The following TOGARAM1 variants were observed in gnomAD, a reference collection of about 807,000 sequenced individuals.
TOGARAM1 encodes TOG array regulator of axonemal microtubules 1.
TOGARAM1 carries 100 observed loss-of-function variants against 166.6 expected under a neutral mutation model. That is an observed-to-expected ratio of 0.60 (90% CI 0.51 to 0.71). TOGARAM1 has a LOEUF of 0.71. Among genes scored for constraint, TOGARAM1 ranks in the 30% least tolerant of loss-of-function variants. The pLI, the probability that TOGARAM1 is intolerant of heterozygous loss-of-function variation, is 0.00. For synonymous variants in TOGARAM1, 758 were observed against 763.8 expected (o/e 0.99, Z 0.13); for missense variants, 2,029 against 2,102.7 (o/e 0.96, Z 0.69).
intron 13 of TOGARAM1, among the ~76,000 whole-genome samples, chr14:45,045,312 C>G (rs1266802573): frequency 2.0e-5 from 3 of 151,128 alleles, no homozygotes; most frequent in Admixed American, 1.3e-4. Context: ...CCCTCGCCCC[C>G]CTCCTGCTCT....
At chr14:44,985,685 G>A (rs1489685970) in intron 1 of TOGARAM1, among the ~76,000 whole-genome samples, 2 of 152,228 alleles carry the variant, frequency 1.3e-5, no homozygotes, top group Non-Finnish European at 2.9e-5. Flanking sequence ...CTTGCCCGCC[G>A]CTCACCTCCT....
Position 45,012,049 on chromosome 14 carries a change from A to G in TOGARAM1, c.3212A>G (p.His1071Arg). Reference sequence around the variant, plus strand: ...TCTTCTGCAAAGAAAAAAATTTCTCATATTGCTGAACAAAGCCCCAGTGCA... The same window carrying G: ...TCTTCTGCAAAGAAAAAAATTTCTCGTATTGCTGAACAAAGCCCCAGTGCA... ...RLSSAKKKISHIAEQSPSAGS... is the reference protein window; with the variant it reads ...RLSSAKKKISRIAEQSPSAGS... Residue 1071 changes from histidine (H) to arginine (R), a missense_variant, in exon 7 of 20, where the codon CAT (histidine) becomes CGT (arginine). His to Arg is a conservative substitution (Grantham distance 29). This residue lies in a region of TOGARAM1 where 1,453 missense variants were observed against 1,432.2 expected (regional missense o/e 1.01). Coordinates refer to ENST00000361462, the MANE Select transcript of TOGARAM1 (RefSeq NM_001308120.2). 6.2e-7 allele frequency: 1 copy of G among 1,610,908 alleles called. No individual in the cohort carries two copies. Among genetic ancestry groups the G allele is most frequent in the Non-Finnish European group, 8.5e-7 (1 of 1,178,712 alleles).
chr14:45,031,602 T>C (rs1881159541), intron 10 of TOGARAM1, among the ~76,000 whole-genome samples: 1 of 152,218 alleles, frequency 6.6e-6, no homozygotes, highest in South Asian at 2.1e-4. Context: ...TACTACTTCT[T>C]TTGCTTTTAG....
intron 1 of TOGARAM1, among the ~76,000 whole-genome samples, chr14:44,971,845 A>G (rs183697899): frequency 2.3e-3 from 356 of 152,320 alleles, no homozygotes; most frequent in Non-Finnish European, 2.2e-3. Context: ...GGGGTTTTCC[A>G]TCTGTATTCT....
chr14:45,008,266 T>C (rs1464098643), intron 5 of TOGARAM1: 1 of 148,160 alleles, frequency 6.7e-6, no homozygotes, highest in Non-Finnish European at 1.5e-5. Flanking sequence ...TGAAACAGAG[T>C]CTCGCTGTGT....
intron 11 of TOGARAM1, among the ~76,000 whole-genome samples, chr14:45,037,825 A>G (rs1043894407): frequency 7.3e-5 from 11 of 151,424 alleles, no homozygotes; most frequent in African/African-American, 2.4e-4. Flanking sequence ...CAGGAGATTG[A>G]GACCATCCTG....
At chr14:44,987,383 T>C (rs1288386030) in intron 1 of TOGARAM1, among the ~76,000 whole-genome samples, 1 of 152,120 alleles carries the variant, frequency 6.6e-6, no homozygotes, top group East Asian at 1.9e-4. Flanking sequence ...ATCCAGAATC[T>C]ACAAAGAACT....
chr14:45,043,860 G>T, intron 12 of TOGARAM1, 69 bp downstream of exon 12: 1 of 921,396 alleles, frequency 1.1e-6, no homozygotes, highest in South Asian at 1.4e-5. Flanking sequence ...ATGTTTATTT[G>T]ACCTTTAAAA....
At chr14:45,047,316 C>T (rs568345330) in intron 14 of TOGARAM1, among the ~76,000 whole-genome samples, 134 of 150,418 alleles carry the variant, frequency 8.9e-4, no homozygotes, top group African/African-American at 2.9e-3. Context: ...CGCTTGAACC[C>T]GGGAGGCGGA....
chr14:44,990,816 G>GTT (rs896134658), intron 1 of TOGARAM1, among the ~76,000 whole-genome samples: 1 of 151,932 alleles, frequency 6.6e-6, no homozygotes, highest in African/African-American at 2.4e-5. Flanking sequence ...AACACTTTGG[G>GTT]TTTTTTTCTT....
intron 1 of TOGARAM1, among the ~76,000 whole-genome samples, chr14:44,967,498 G>A (rs1250744563): frequency 1.3e-5 from 2 of 152,138 alleles, no homozygotes; most frequent in East Asian, 3.8e-4. Context: ...CTTAAATTAA[G>A]TCTTTTATCT....
Position 44,995,829 on chromosome 14 carries a change from A to G in TOGARAM1, c.2130A>G (p.Arg710=). Residue 710 remains arginine, a synonymous_variant, in exon 2 of 20, where the codon AGA becomes AGG. Transcript: ENST00000361462. ...MPVNDDLCFS[R]KRVSRNLFQN... is the part of the protein sequence containing the mutation. ...TCAATGATGATTTATGTTTTAGCAG[A>G]AAAAGAGTATCAAGAAACTTATTTC... The G allele has an allele frequency of 6.2e-7, 1 of 1,608,924 alleles. No homozygotes were observed. Among genetic ancestry groups the G allele is most frequent in the Non-Finnish European group, 8.5e-7 (1 of 1,178,216 alleles).
Position 45,066,604 on chromosome 14 carries a change from C to A in TOGARAM1, c.4586C>A (p.Thr1529Asn), listed in dbSNP as rs1279650728. The A allele has an allele frequency of 6.2e-7, 1 of 1,609,200 alleles. No individual in the cohort carries two copies. Among genetic ancestry groups the A allele is most frequent in the South Asian group, 1.1e-5 (1 of 90,450 alleles). ...ERAVTEVREV[T>N]RKSVPRNSLE... ...GCTGTAACTGAAGTTCGTGAAGTCACCAGAAAATCAGTCCCTCGTAATTCC... is the reference window on the plus strand; with the variant it reads ...GCTGTAACTGAAGTTCGTGAAGTCAACAGAAAATCAGTCCCTCGTAATTCC... The change falls in exon 17 of 20, where the codon ACC becomes AAC. Residue 1529 changes from threonine to asparagine, a missense_variant. Coordinates refer to ENST00000361462, the MANE Select transcript of TOGARAM1 (RefSeq NM_001308120.2).
Position 44,963,986 on chromosome 14 carries a change from G to A in TOGARAM1, c.1565G>A (p.Ser522Asn). ...SFDLAPALVDSKRRVRQAALE... is the reference protein window; with the variant it reads ...SFDLAPALVDNKRRVRQAALE... ...GATCTTGCCCCAGCTCTTGTAGATA[G>A]CAAACGCAGGGTACGCCAAGCAGCT... The change falls in exon 1 of 20, where the codon AGC becomes AAC. Residue 522 changes from serine (S) to asparagine (N), a missense_variant. Transcript: ENST00000361462. 1.9e-6 allele frequency: 3 copies of A among 1,614,186 alleles called. No homozygotes were observed. Among genetic ancestry groups the A allele is most frequent in the Non-Finnish European group, 2.5e-6 (3 of 1,180,036 alleles).
chr14:44,969,734 A>C (rs1000162170), intron 1 of TOGARAM1, among the ~76,000 whole-genome samples: 1 of 152,170 alleles, frequency 6.6e-6, no homozygotes, highest in Non-Finnish European at 1.5e-5. Flanking sequence ...GAAGGGTGTC[A>C]GGTCTGTTTC....
At position 45,044,912 on chromosome 14, in the gene TOGARAM1, T is replaced by C. The variant is rs764205186; in HGVS notation, c.4154+42T>C. On this transcript the variant is annotated intron_variant, in intron 13 of 19. Coordinates refer to ENST00000361462, the MANE Select transcript of TOGARAM1 (RefSeq NM_001308120.2). Reference sequence around the variant, plus strand: ...CCTTGAAATGTCTTTAAACAAAAAATGAAATGTTGCAATCGGGACTGTAGA... The same window carrying C: ...CCTTGAAATGTCTTTAAACAAAAAACGAAATGTTGCAATCGGGACTGTAGA... The C allele has an allele frequency of 4.8e-6, 7 of 1,447,772 alleles. 1 individual carries two copies. The Admixed American group carries it at 9.6e-5, about 20-fold the overall frequency. 89.7% of individuals were successfully genotyped at this position (1,447,772 alleles called of 1,614,324 possible). A position where few individuals can be genotyped will look rare whatever the true frequency, so the allele number is the denominator to read the frequency against.
intron 1 of TOGARAM1, among the ~76,000 whole-genome samples, chr14:44,992,207 T>A (rs181642629): frequency 4.6e-5 from 7 of 151,886 alleles, no homozygotes; most frequent in Admixed American, 1.3e-4. Context: ...GGATATAAAG[T>A]TTACATATAG....
At chr14:44,981,561 G>A (rs911044247) in intron 1 of TOGARAM1, among the ~76,000 whole-genome samples, 7 of 152,308 alleles carry the variant, frequency 4.6e-5, no homozygotes, top group Middle Eastern at 3.4e-3. Context: ...TACTTGTAAA[G>A]TGATTTTTGA....
intron 7 of TOGARAM1, among the ~76,000 whole-genome samples, chr14:45,018,314 A>G (rs1480199751): frequency 2.0e-5 from 3 of 151,946 alleles, no homozygotes; most frequent in African/African-American, 7.3e-5. Flanking sequence ...GTCTTGGCTC[A>G]CTGCAACCTC....
Sources: gnomAD v4.1 joint callset for allele counts (sites outside exome capture counted in the v4.1 genomes callset) on GRCh38, gnomAD v4.1.1 for gene constraint, gnomAD v4.1.1 regional missense constraint, MANE v1.5 for transcripts, NCBI Gene and HGNC (gene_info 2026-07-23, HGNC 2026-07-21) for gene names.